Variants in TMEM132C observed in about 807,000 individuals in gnomAD.
The protein encoded by TMEM132C is protein phosphatase 1, regulatory subunit 152.
Under a neutral mutation model 61.4 loss-of-function variants are expected in TMEM132C, and 29 were observed. The ratio of observed to expected loss-of-function variants is 0.47; its 90% CI spans 0.35 to 0.64. TMEM132C has a LOEUF of 0.64. Ranked by LOEUF, TMEM132C falls within the 30% of genes least tolerant of loss-of-function variation. The pLI is 0.00. For missense variants in TMEM132C, 1,408 were observed against 1,476.9 expected (o/e 0.95, Z 0.76); for synonymous variants, 656 against 633.1 (o/e 1.04, Z -0.54).
Position 128,449,160 on chromosome 12 carries a change from A to AT in TMEM132C, c.974+33540_974+33541insT, listed in dbSNP as rs1870097012. On this transcript the variant is annotated intron_variant, in intron 2 of 8. Coordinates refer to ENST00000435159, the MANE Select transcript of TMEM132C (RefSeq NM_001136103.3). ...TCAAAAAAAAAAAAAAAAAAAAAAA[A>AT]GAAATTTTATTTAGAATCTGTTTTC... Among the ~76,000 whole-genome samples the AT allele has an allele frequency of 2.0e-5, 3 of 147,936 alleles. No homozygotes were observed. The South Asian group carries it at 6.4e-4, about 32-fold the overall frequency.
At chr12:128,577,081 C>G (rs1307016855) in intron 3 of TMEM132C, among the ~76,000 whole-genome samples, 1 of 152,160 alleles carries the variant, frequency 6.6e-6, no homozygotes, top group Non-Finnish European at 1.5e-5. Context: ...GGCATTTGAC[C>G]TTCTTCCCTC....
chr12:128,583,061 G>T (rs555211163), intron 3 of TMEM132C, among the ~76,000 whole-genome samples: 3 of 152,204 alleles, frequency 2.0e-5, no homozygotes, highest in African/African-American at 7.2e-5. Context: ...AGGCATCAAG[G>T]TTTTACTCAC....
intron 4 of TMEM132C, among the ~76,000 whole-genome samples, chr12:128,622,358 AAAATATATATATAT>A (rs1272533405): frequency 4.1e-5 from 2 of 48,290 alleles, no homozygotes; most frequent in African/African-American, 1.2e-4. Context: ...AAAAAAAAAA[AAAATATATATATAT>A]ATATATATAT....
intron 2 of TMEM132C, among the ~76,000 whole-genome samples, chr12:128,428,156 C>T (rs772061953): frequency 1.6e-4 from 25 of 152,264 alleles, no homozygotes; most frequent in Admixed American, 2.0e-4. Context: ...ATGAGGAAAC[C>T]GAAGGCCTGA....
At chr12:128,419,911 G>A (rs1238569440) in intron 2 of TMEM132C, among the ~76,000 whole-genome samples, 1 of 152,092 alleles carries the variant, frequency 6.6e-6, no homozygotes, top group Non-Finnish European at 1.5e-5. Context: ...ATCAAAATTG[G>A]GTTGGGTATG....
At position 128,340,701 on chromosome 12, in the gene TMEM132C, CTCTT is replaced by C. The variant is rs201007177; in HGVS notation, c.85+73222_85+73225del. 4.9e-3 allele frequency among the ~76,000 whole-genome samples: 740 copies of C among 151,594 alleles called. 6 individuals carry two copies. The highest frequency in any genetic ancestry group is 0.017 in the African/African-American group (697 of 41,176). On this transcript the variant is annotated intron_variant, in intron 1 of 8. Transcript: ENST00000435159. ...GATATTCTATGCTCTTTCTTTCTTT[CTCTT>C]TCTTTCTCTTTCTTCCTTCCTTCCT...
At chr12:128,507,493 C>A (rs1274917046) in intron 2 of TMEM132C, among the ~76,000 whole-genome samples, 1 of 149,218 alleles carries the variant, frequency 6.7e-6, no homozygotes, top group African/African-American at 2.5e-5. Context: ...TCTCCCGAGG[C>A]ACTGTCTGTG....
At position 128,566,189 on chromosome 12, in the gene TMEM132C, C is replaced by CAAAAAAAAAAAAAA. The variant is rs59258589; in HGVS notation, c.1121+22091_1121+22104dup. 7.5e-3 allele frequency among the ~76,000 whole-genome samples: 506 copies of CAAAAAAAAAAAAAA among 67,730 alleles called. 41 individuals carry two copies. Among genetic ancestry groups the CAAAAAAAAAAAAAA allele is most frequent in the Middle Eastern group, 0.021 (2 of 96 alleles). 44.4% of individuals were successfully genotyped at this position (67,730 alleles called of 152,430 possible). A position where few individuals can be genotyped will look rare whatever the true frequency, so the allele number is the denominator to read the frequency against. ...ATAGGCATGAGACACCAAGCCTAACCAAAAAAAAAAAAAAAAAAGTTTTAA... is the reference window on the plus strand; with the variant it reads ...ATAGGCATGAGACACCAAGCCTAACCAAAAAAAAAAAAAAAAAAAAAAAAAAAAAAAAGTTTTAA... On this transcript the variant is annotated intron_variant, in intron 3 of 8. Transcript: ENST00000435159.
In TMEM132C at chr12:128,279,475, G is replaced by A. The variant is rs137955310; in HGVS notation, c.85+11988G>A. On this transcript the variant is annotated intron_variant, in intron 1 of 8. Coordinates refer to ENST00000435159, the MANE Select transcript of TMEM132C (RefSeq NM_001136103.3). ...TCTAGTGTCTCCCATCACATTCAGA[G>A]GTAATACCACAGTCTGTGCGGTGAT... Among the ~76,000 whole-genome samples, 235 of 152,232 alleles carry A rather than the reference G, an allele frequency of 1.5e-3. 2 individuals are homozygous for A. Among genetic ancestry groups the A allele is most frequent in the African/African-American group, 5.2e-3 (214 of 41,532 alleles).
intron 2 of TMEM132C, among the ~76,000 whole-genome samples, chr12:128,466,874 C>T (rs770995232): frequency 1.1e-4 from 17 of 152,152 alleles, no homozygotes; most frequent in Non-Finnish European, 2.4e-4. Context: ...GGTTTGGAGC[C>T]CTGACACTTG....
intron 3 of TMEM132C, among the ~76,000 whole-genome samples, chr12:128,546,662 C>A (rs972064420): frequency 2.6e-5 from 4 of 152,130 alleles, no homozygotes; most frequent in African/African-American, 9.7e-5. Context: ...AGAGGCACTG[C>A]AGATGGTTAG....
At chr12:128,350,792 C>T (rs967135130) in intron 1 of TMEM132C, among the ~76,000 whole-genome samples, 1 of 152,002 alleles carries the variant, frequency 6.6e-6, no homozygotes, top group Non-Finnish European at 1.5e-5. Flanking sequence ...TTCCAGCCTC[C>T]TTTGCAACTA....
intron 2 of TMEM132C, among the ~76,000 whole-genome samples, chr12:128,512,914 C>T (rs750968528): frequency 6.6e-6 from 1 of 152,200 alleles, no homozygotes; most frequent in South Asian, 2.1e-4. Flanking sequence ...CGCTCTCAAT[C>T]TGAGTTCATG....
At chr12:128,351,014 C>T (rs1479838399) in intron 1 of TMEM132C, among the ~76,000 whole-genome samples, 3 of 152,116 alleles carry the variant, frequency 2.0e-5, no homozygotes, top group African/African-American at 4.8e-5. Flanking sequence ...AGAAAAGAGC[C>T]TGAGTCTCTT....
At chr12:128,650,131 T>C (rs1042375287) in intron 4 of TMEM132C, among the ~76,000 whole-genome samples, 2 of 152,188 alleles carry the variant, frequency 1.3e-5, no homozygotes, top group African/African-American at 4.8e-5. Flanking sequence ...GAGTCTATGT[T>C]CCTCCAGTGG....
intron 1 of TMEM132C, among the ~76,000 whole-genome samples, chr12:128,358,022 C>T (rs1221616980): frequency 2.0e-5 from 3 of 152,130 alleles, no homozygotes; most frequent in African/African-American, 7.2e-5. Context: ...ATTGTTCCTT[C>T]TCAGAGTCCC....
chr12:128,466,527 A>G (rs1870742754), intron 2 of TMEM132C, among the ~76,000 whole-genome samples: 2 of 152,112 alleles, frequency 1.3e-5, no homozygotes, highest in South Asian at 4.1e-4. Flanking sequence ...GGAGGGCTAC[A>G]CTTTTTTCTT....
chr12:128,426,795 A>G (rs1373346806), intron 2 of TMEM132C, among the ~76,000 whole-genome samples: 2 of 152,160 alleles, frequency 1.3e-5, no homozygotes, highest in African/African-American at 4.8e-5. Context: ...GAAACATTTA[A>G]ACATAGAATT....
chr12:128,540,698 A>G (rs1873705827), intron 2 of TMEM132C, among the ~76,000 whole-genome samples: 1 of 152,084 alleles, frequency 6.6e-6, no homozygotes, highest in Non-Finnish European at 1.5e-5. Flanking sequence ...ACCCCACAAC[A>G]ACCAATACAG....
Sources: allele counts gnomAD v4.1 joint callset (sites outside exome capture counted in the v4.1 genomes callset), GRCh38; gene constraint gnomAD v4.1.1; transcripts MANE v1.5; gene names NCBI Gene and HGNC (gene_info 2026-07-23, HGNC 2026-07-21).